IFT140: variants seen among roughly 807,000 people sequenced by gnomAD.
IFT140 encodes the protein intraflagellar transport 140.
In IFT140, 133 loss-of-function variants were observed where a neutral mutation model predicts 164.6. That is an observed-to-expected ratio of 0.81 (90% confidence interval 0.70 to 0.93). IFT140 has a LOEUF of 0.93. IFT140 is among the 40% of genes least tolerant of loss of function. The pLI is 0.00. For synonymous variants in IFT140, 860 were observed against 817.3 expected (o/e 1.05, Z -0.89); for missense variants, 2,045 against 1,972.3 (o/e 1.04, Z -0.70).
chr16:1,592,340 A>G (rs1286861781), intron 5 of IFT140, 22 bp from the exon 6 acceptor site: 2 of 1,613,880 alleles, frequency 1.2e-6, no homozygotes, highest in Non-Finnish European at 1.7e-6. Flanking sequence ...CACGACACGA[A>G]GCAAGATTCT....
At chr16:1,536,486 G>C (rs142898762) in intron 19 of IFT140, among the ~76,000 whole-genome samples, 267 of 152,350 alleles carry the variant, frequency 1.8e-3, no homozygotes, top group Non-Finnish European at 3.1e-3. Flanking sequence ...GGCATCTGCA[G>C]GTGGCTGACC....
chr16:1,583,661 CCTTT>C (rs2034701783), intron 11 of IFT140, among the ~76,000 whole-genome samples: 4 of 147,016 alleles, frequency 2.7e-5, no homozygotes, highest in Non-Finnish European at 4.5e-5. Flanking sequence ...CCCTCTCTTT[CCTTT>C]ATTTACTTTT....
chr16:1,544,469 G>A (rs1225058091), intron 19 of IFT140, among the ~76,000 whole-genome samples: 14 of 151,576 alleles, frequency 9.2e-5, no homozygotes, highest in Non-Finnish European at 1.6e-4. Flanking sequence ...ATAGGCGTGA[G>A]CCACCGCGCC....
At chr16:1,525,469 C>T (rs1310142592) in intron 21 of IFT140, 143 bp from the exon 22 acceptor site, 12 of 689,902 alleles carry the variant, frequency 1.7e-5, no homozygotes, top group Non-Finnish European at 2.8e-5. Context: ...TCTGCAGACC[C>T]TGAGCACACG....
In IFT140 at chr16:1,587,226, C is replaced by T; in HGVS notation, c.981G>A (p.Met327Ile). Reference sequence around the variant, plus strand: ...TGACTTTACAGTAACACACACAGTTCATATTCTCTCCTTTCTCAAAGCCAA... The same window carrying T: ...TGACTTTACAGTAACACACACAGTTTATATTCTCTCCTTTCTCAAAGCCAA... ...EKFGFEKGEN[M>I]NCVCYCKVKG... Residue 327 changes from methionine (M) to isoleucine (I), a missense_variant, in exon 9 of 31, where the codon ATG (methionine) becomes ATA (isoleucine). Met to Ile is a conservative substitution (Grantham distance 10). Transcript: ENST00000426508. 1 of 1,611,646 alleles carries T rather than the reference C, an allele frequency of 6.2e-7. No homozygotes were observed. The highest frequency in any genetic ancestry group is 8.5e-7 in the Non-Finnish European group (1 of 1,177,746).
In IFT140 at chr16:1,553,485, C is replaced by T. The variant is rs766840332; in HGVS notation, c.2399+4450G>A. 4 of 985,482 alleles carry T rather than the reference C, an allele frequency of 4.1e-6. No homozygotes were observed. The highest frequency in any genetic ancestry group is 4.8e-6 in the Non-Finnish European group (4 of 829,944). 61.0% of individuals were successfully genotyped at this position (985,482 alleles called of 1,614,324 possible). A position where few individuals can be genotyped will look rare whatever the true frequency, so the allele number is the denominator to read the frequency against. ...ACATGCAGGCCAGGCGGAGGGACAG[C>T]AGTGGGGCTCGGCGTGGCCGGAGCC... On this transcript the variant is annotated intron_variant, in intron 19 of 30. Coordinates refer to ENST00000426508, the MANE Select transcript of IFT140 (RefSeq NM_014714.4). This position sits in a 1 kb window ranked among gnomAD's most constrained non-coding sequence, Gnocchi z 4.4.
intron 26 of IFT140, among the ~76,000 whole-genome samples, chr16:1,521,165 G>C (rs1321845757): frequency 6.6e-6 from 1 of 152,146 alleles, no homozygotes; most frequent in African/African-American, 2.4e-5. Context: ...TGTCCCCCAG[G>C]CTGGAGTGCA....
At chr16:1,518,093 C>A (rs1191172397) in intron 30 of IFT140, 123 bp downstream of exon 30, 8 of 938,658 alleles carry the variant, frequency 8.5e-6, no homozygotes, top group South Asian at 1.7e-5. Context: ...CTGCCTCAGC[C>A]TCCCAAAGTG....
At chr16:1,597,056 T>C (rs565155263) in intron 4 of IFT140, among the ~76,000 whole-genome samples, 10 of 152,016 alleles carry the variant, frequency 6.6e-5, no homozygotes, top group African/African-American at 2.4e-4. Flanking sequence ...GTCTTGGGGG[T>C]GCATCACGGC....
chr16:1,567,482 C>A (rs1428844554), intron 15 of IFT140, among the ~76,000 whole-genome samples: 1 of 152,202 alleles, frequency 6.6e-6, no homozygotes, highest in Non-Finnish European at 1.5e-5. Flanking sequence ...CCTCAGCAGG[C>A]CTGGCCGGAG....
At position 1,518,278 on chromosome 16, in the gene IFT140, G is replaced by A. The variant is rs781716683; in HGVS notation, c.4120C>T (p.Arg1374Cys). The A allele has an allele frequency of 1.5e-5, 25 of 1,613,964 alleles. 1 individual carries two copies. Among genetic ancestry groups the A allele is most frequent in the South Asian group, 1.1e-4 (10 of 91,088 alleles). Residue 1374 changes from arginine (R) to cysteine (C), a missense_variant, in exon 30 of 31, where the codon CGC (arginine) becomes TGC (cysteine). Transcript: ENST00000426508. ...LEEPDLDSTI[R>C]IGDVYGFLVE... is the part of the protein sequence containing the mutation. ...AGGAAGCCATAGACGTCCCCGATGC[G>A]GATGGTGCTGTCCAGGTCTGGTTCC...
At chr16:1,609,497 C>T (rs2036236344) in intron 2 of IFT140, among the ~76,000 whole-genome samples, 1 of 152,188 alleles carries the variant, frequency 6.6e-6, no homozygotes, top group Non-Finnish European at 1.5e-5. Flanking sequence ...TCACTGCTCA[C>T]ACATTGCCCC....
intron 30 of IFT140, among the ~76,000 whole-genome samples, chr16:1,516,178 A>ACCC: frequency 1.7e-5 from 1 of 59,222 alleles, no homozygotes; most frequent in Non-Finnish European, 2.7e-5. Flanking sequence ...AAAAAAAAAA[A>ACCC]CACCAGAAAT....
chr16:1,564,446 C>T lies in IFT140; in HGVS notation c.1902-284G>A, dbSNP rs1392629901. ...CCTTATGGGGGCCCAGAAGAATCCCCAAAGCAAAAGGGACCCTTTTCCTTT... is the reference window on the plus strand; with the variant it reads ...CCTTATGGGGGCCCAGAAGAATCCCTAAAGCAAAAGGGACCCTTTTCCTTT... On this transcript the variant is annotated intron_variant, in intron 16 of 30. Coordinates refer to ENST00000426508, the MANE Select transcript of IFT140 (RefSeq NM_014714.4). This position sits in a 1 kb window ranked among gnomAD's most constrained non-coding sequence, Gnocchi z 5.5. Among the ~76,000 whole-genome samples the T allele has an allele frequency of 1.3e-5, 2 of 152,188 alleles. No homozygotes were observed. Among genetic ancestry groups the T allele is most frequent in the Non-Finnish European group, 2.9e-5 (2 of 68,038 alleles).
At chr16:1,560,496 C>T (rs1303048427) in intron 18 of IFT140, among the ~76,000 whole-genome samples, 1 of 152,216 alleles carries the variant, frequency 6.6e-6, no homozygotes, top group Non-Finnish European at 1.5e-5. Context: ...GTGCCCCACC[C>T]CACCACCACC....
chr16:1,520,644 G>T lies in IFT140; in HGVS notation c.3618C>A (p.His1206Gln), dbSNP rs372009015. ...CCTGCGTGTACTTCTTGGTGGCCAG[G>T]TGGTAGCTGCCCTGGCGCATGCAGC... ...ADCCMRQGSYHLATKKYTQAG... is the reference protein window; with the variant it reads ...ADCCMRQGSYQLATKKYTQAG... The change falls in exon 27 of 31, where the codon CAC (histidine) becomes CAA (glutamine). Residue 1206 changes from histidine to glutamine, a missense_variant. Physicochemically the swap from His to Gln is conservative, Grantham distance 24 (BLOSUM62 0). Transcript: ENST00000426508. The T allele has an allele frequency of 2.5e-6, 4 of 1,600,704 alleles. No homozygotes were observed. The African/African-American group carries it at 5.4e-5, about 21-fold the overall frequency.
At position 1,564,738 on chromosome 16, in the gene IFT140, T is replaced by G. The variant is rs139781721; in HGVS notation, c.1902-576A>C. Among the ~76,000 whole-genome samples the G allele has an allele frequency of 2.5e-3, 388 of 152,336 alleles. 1 individual carries two copies. The highest frequency in any genetic ancestry group is 8.7e-3 in the African/African-American group (363 of 41,578). ...CAGGTGCCCAAGGTGAGGAGGCCTATGAGCCTCATTCGCCGCCCCCAGGGT... is the reference window on the plus strand; with the variant it reads ...CAGGTGCCCAAGGTGAGGAGGCCTAGGAGCCTCATTCGCCGCCCCCAGGGT... On this transcript the variant is annotated intron_variant, in intron 16 of 30. Coordinates refer to ENST00000426508, the MANE Select transcript of IFT140 (RefSeq NM_014714.4). The surrounding 1 kb of genome is among the most constrained non-coding windows in gnomAD (Gnocchi z 5.5).
chr16:1,544,272 C>G (rs945529077), intron 19 of IFT140, among the ~76,000 whole-genome samples: 1 of 151,932 alleles, frequency 6.6e-6, no homozygotes, highest in Non-Finnish European at 1.5e-5. Context: ...CAAGCTCCAC[C>G]TCCCGGGTTC....
chr16:1,602,630 G>T, intron 3 of IFT140, 39 bp from the exon 4 acceptor site: 1 of 1,576,862 alleles, frequency 6.3e-7, no homozygotes, highest in Non-Finnish European at 8.6e-7. Flanking sequence ...AGTTCAGAGA[G>T]GGACAGCTAC....
Sources: gnomAD v4.1 joint callset for allele counts (sites outside exome capture counted in the v4.1 genomes callset) on GRCh38, gnomAD v4.1.1 for gene constraint, Gnocchi (gnomAD v3.1) non-coding constraint, MANE v1.5 for transcripts, NCBI Gene and HGNC (gene_info 2026-07-23, HGNC 2026-07-21) for gene names.